ASAP1: variants seen among roughly 807,000 people sequenced by gnomAD.
ASAP1 encodes ArfGAP with SH3 domain, ankyrin repeat and PH domain 1.
A neutral mutation model predicts 145.2 loss-of-function variants in ASAP1; 43 were observed. The ratio of observed to expected loss-of-function variants is 0.30; its 90% CI spans 0.23 to 0.38. ASAP1 has a LOEUF of 0.38. Among genes scored for constraint, ASAP1 ranks in the 10% least tolerant of loss-of-function variants. The pLI, the probability that ASAP1 is intolerant of heterozygous loss-of-function variation, is 1.00. For missense variants in ASAP1, 1,018 were observed against 1,355.3 expected, an observed-to-expected ratio of 0.75 and a Z score of 3.91; for synonymous variants, 546 against 515.5, an observed-to-expected ratio of 1.06 and a Z score of -0.80.
At chr8:130,268,598 G>A (rs1442746265) in intron 3 of ASAP1, among the ~76,000 whole-genome samples, 1 of 151,280 alleles carries the variant, frequency 6.6e-6, no homozygotes, top group African/African-American at 2.4e-5. Context: ...ATTCAACATG[G>A]CATGTATTTG....
At chr8:130,424,780 T>G (rs1829851883) in intron 1 of ASAP1, among the ~76,000 whole-genome samples, 1 of 151,694 alleles carries the variant, frequency 6.6e-6, no homozygotes, top group Non-Finnish European at 1.5e-5. Flanking sequence ...GATCACGAGG[T>G]CAGGAGATCA....
chr8:130,168,214 AAT>A (rs2097683958), intron 10 of ASAP1, among the ~76,000 whole-genome samples: 1 of 152,330 alleles, frequency 6.6e-6, no homozygotes, highest in South Asian at 2.1e-4. Context: ...TCATACTCAT[AAT>A]ATATACGCTT....
At chr8:130,413,906 ATT>A (rs1829366649) in intron 1 of ASAP1, among the ~76,000 whole-genome samples, 3 of 152,184 alleles carry the variant, frequency 2.0e-5, no homozygotes, top group African/African-American at 7.2e-5. Context: ...TCATTCATTC[ATT>A]CATTCATTCA....
intron 1 of ASAP1, among the ~76,000 whole-genome samples, chr8:130,427,382 C>T (rs1829960332): frequency 1.3e-5 from 2 of 152,192 alleles, no homozygotes; most frequent in Admixed American, 1.3e-4. Context: ...AAGGCCAGCT[C>T]TCTCTTCCCA....
rs1409778410 is a variant in ASAP1, at chr8:130,419,535, A to G, written c.-27-17565T>C. 2.6e-5 allele frequency among the ~76,000 whole-genome samples: 4 copies of G among 152,308 alleles called. No homozygotes were observed. In the East Asian group the frequency reaches 7.7e-4, roughly 29 times the overall value. ...ATGCCAACATAGGAAGGTCGAACCC[A>G]AAGAACTACGGGAAAAGGAAGCTGC... is the stretch of plus-strand genomic sequence containing the variant. On this transcript the variant is annotated intron_variant, in intron 1 of 29. Transcript: ENST00000518721.
intron 4 of ASAP1, among the ~76,000 whole-genome samples, chr8:130,230,739 T>A (rs1013601770): frequency 2.1e-4 from 32 of 152,292 alleles, no homozygotes; most frequent in African/African-American, 5.5e-4. Context: ...AAAGATTTTT[T>A]AAAAAATCTG....
intron 3 of ASAP1, among the ~76,000 whole-genome samples, chr8:130,293,001 C>T (rs1040716494): frequency 2.0e-5 from 3 of 152,224 alleles, no homozygotes; most frequent in Admixed American, 2.0e-4. Flanking sequence ...GAAGCCACTG[C>T]TCAAGATACT....
At chr8:130,076,948 T>C (rs2097463759) in intron 26 of ASAP1, among the ~76,000 whole-genome samples, 1 of 152,186 alleles carries the variant, frequency 6.6e-6, no homozygotes, top group Admixed American at 6.5e-5. Context: ...CTTCAAAGCA[T>C]TTATGAAGGC....
rs116756386 is a variant in ASAP1, at chr8:130,340,927, A to G, written c.186+17090T>C. 1.4e-3 allele frequency: 622 copies of G among 454,124 alleles called. 4 individuals carry two copies. Among genetic ancestry groups the G allele is most frequent in the South Asian group, 5.1e-3 (330 of 64,078 alleles). The allele number at this position is 454,124 out of a possible 1,614,324, so 28.1% of individuals were successfully genotyped here. ...TGACAAAATCTTTCCAAAGTCTTCA[A>G]GGGAATAAAATACTAGGTTTTTTTT... On this transcript the variant is annotated intron_variant, in intron 3 of 29. Coordinates refer to ENST00000518721, the MANE Select transcript of ASAP1 (RefSeq NM_018482.4).
Position 130,175,491 on chromosome 8 carries a change from G to GCTAATC in ASAP1, c.746+3772_746+3773insGATTAG, listed in dbSNP as rs533799058. 5.9e-4 allele frequency among the ~76,000 whole-genome samples: 90 copies of GCTAATC among 152,266 alleles called. No individual in the cohort carries two copies. In the East Asian group the frequency reaches 0.015, roughly 25 times the overall value. ...TCCTCCTGCATCGGCCTCCTAAAGT[G>GCTAATC]CTAGGATTATAGGTGTGAGCCAGTA... On this transcript the variant is annotated intron_variant, in intron 9 of 29. Coordinates refer to ENST00000518721, the MANE Select transcript of ASAP1 (RefSeq NM_018482.4).
At chr8:130,245,717 C>G (rs1333207441) in intron 3 of ASAP1, among the ~76,000 whole-genome samples, 2 of 152,174 alleles carry the variant, frequency 1.3e-5, no homozygotes, top group African/African-American at 4.8e-5. Flanking sequence ...CAATAAATAT[C>G]TGTCAAATAA....
intron 24 of ASAP1, among the ~76,000 whole-genome samples, chr8:130,098,865 C>T (rs183196539): frequency 1.3e-5 from 2 of 152,220 alleles, no homozygotes; most frequent in African/African-American, 4.8e-5. Flanking sequence ...TACAGTGTTA[C>T]AGAACACAGG....
intron 28 of ASAP1, among the ~76,000 whole-genome samples, chr8:130,059,142 T>C (rs950643217): frequency 6.6e-6 from 1 of 152,024 alleles, no homozygotes; most frequent in Non-Finnish European, 1.5e-5. Flanking sequence ...AGTATTGATA[T>C]GACACACTTT....
intron 3 of ASAP1, among the ~76,000 whole-genome samples, chr8:130,257,895 A>G (rs559770168): frequency 6.6e-6 from 1 of 151,756 alleles, no homozygotes; most frequent in African/African-American, 2.4e-5. Flanking sequence ...AATCTGTTAA[A>G]GAAGAGATTG....
intron 1 of ASAP1, among the ~76,000 whole-genome samples, chr8:130,436,463 T>C (rs1325442561): frequency 6.6e-6 from 1 of 152,150 alleles, no homozygotes; most frequent in Non-Finnish European, 1.5e-5. Context: ...GTCTGGCTAA[T>C]TTTTGTTATT....
chr8:130,402,687 G>A (rs578237564), intron 1 of ASAP1, among the ~76,000 whole-genome samples: 146 of 152,226 alleles, frequency 9.6e-4, no homozygotes, highest in Non-Finnish European at 1.7e-3. Flanking sequence ...AGACATCTCA[G>A]TTCCACCATC....
chr8:130,285,494 T>C (rs1224863962), intron 3 of ASAP1, among the ~76,000 whole-genome samples: 1 of 152,226 alleles, frequency 6.6e-6, no homozygotes, highest in Non-Finnish European at 1.5e-5. Context: ...ATTATGATCA[T>C]ATTTATCTAT....
At chr8:130,086,118 T>C (rs1418964918) in intron 25 of ASAP1, among the ~76,000 whole-genome samples, 1 of 152,246 alleles carries the variant, frequency 6.6e-6, no homozygotes, top group Non-Finnish European at 1.5e-5. Flanking sequence ...TTCAGCTTCA[T>C]GGGCACAGAA....
intron 1 of ASAP1, among the ~76,000 whole-genome samples, chr8:130,422,502 C>T (rs1829761649): frequency 6.6e-6 from 1 of 152,192 alleles, no homozygotes; most frequent in Admixed American, 6.5e-5. Flanking sequence ...TACTTTCCCG[C>T]CTTCTCCCTT....
Sources: allele counts gnomAD v4.1 joint callset (sites outside exome capture counted in the v4.1 genomes callset), GRCh38; gene constraint gnomAD v4.1.1; transcripts MANE v1.5; gene names NCBI Gene and HGNC (gene_info 2026-07-23, HGNC 2026-07-21).